Variants in ADK observed in about 807,000 individuals in gnomAD.
The protein encoded by ADK is N6,N6-dimethyladenosine kinase.
ADK carries 24 observed loss-of-function variants against 44.7 expected under a neutral mutation model. That is an observed-to-expected ratio of 0.54 (90% CI 0.39 to 0.76). ADK has a LOEUF of 0.76. Ranked by LOEUF, ADK falls within the 30% of genes least tolerant of loss-of-function variation. ADK has a pLI of 0.00. For synonymous variants in ADK, 128 were observed against 142.6 expected (o/e 0.90, Z 0.73); for missense variants, 321 against 425.1 (o/e 0.76, Z 2.15).
chr10:74,653,003 C>T (rs1230891076), intron 9 of ADK, among the ~76,000 whole-genome samples: 1 of 152,106 alleles, frequency 6.6e-6, no homozygotes, highest in African/African-American at 2.4e-5. Flanking sequence ...TGCTTCTACC[C>T]GTCACTATTA....
At chr10:74,641,250 G>T (rs1186644519) in intron 9 of ADK, among the ~76,000 whole-genome samples, 1 of 152,052 alleles carries the variant, frequency 6.6e-6, no homozygotes, top group Non-Finnish European at 1.5e-5. Flanking sequence ...AGGCATAATG[G>T]CCCATGCCTA....
intron 10 of ADK, among the ~76,000 whole-genome samples, chr10:74,688,133 T>A (rs77081315): frequency 2.2e-4 from 34 of 152,340 alleles, no homozygotes; most frequent in Non-Finnish European, 4.0e-4. Context: ...TTAGACACTT[T>A]GTACAGTGGA....
At chr10:74,661,856 T>C (rs1001769977) in intron 9 of ADK, among the ~76,000 whole-genome samples, 3 of 152,346 alleles carry the variant, frequency 2.0e-5, no homozygotes, top group Non-Finnish European at 4.4e-5. Flanking sequence ...TGATATATGC[T>C]AGGTTTCTCT....
intron 6 of ADK, among the ~76,000 whole-genome samples, chr10:74,426,028 A>T (rs531624232): frequency 6.6e-6 from 1 of 152,190 alleles, no homozygotes; most frequent in East Asian, 1.9e-4. Flanking sequence ...TTTTTTGAGA[A>T]ATAGAGAAAA....
intron 7 of ADK, among the ~76,000 whole-genome samples, chr10:74,541,107 C>T (rs961307139): frequency 2.2e-4 from 33 of 152,174 alleles, no homozygotes; most frequent in African/African-American, 6.0e-4. Context: ...CTCCACCTTC[C>T]GGGTTCAAGC....
At chr10:74,220,821 C>T (rs553493397) in intron 2 of ADK, among the ~76,000 whole-genome samples, 1 of 152,036 alleles carries the variant, frequency 6.6e-6, no homozygotes, top group Non-Finnish European at 1.5e-5. Flanking sequence ...ATTTAACAAC[C>T]CTTCATGCTA....
rs112509174 is a variant in ADK at position 74,272,922 on chromosome 10, C to G, written c.195-41745C>G. ...TCACAAGGTCCTTATACTGCAGATC[C>G]TCTCTGCTGCAGATGCTTGGGCTTT... On this transcript the variant is annotated intron_variant, in intron 3 of 10. Coordinates refer to ENST00000539909, the MANE Select transcript of ADK (RefSeq NM_006721.4). 5.3e-3 allele frequency among the ~76,000 whole-genome samples: 801 copies of G among 152,278 alleles called. 12 individuals carry two copies. Among genetic ancestry groups the G allele is most frequent in the African/African-American group, 0.017 (727 of 41,556 alleles).
intron 2 of ADK, among the ~76,000 whole-genome samples, chr10:74,205,088 C>CCAA (rs1564591791): frequency 1.4e-5 from 2 of 144,886 alleles, no homozygotes; most frequent in African/African-American, 5.1e-5. Flanking sequence ...AGCCAAACCA[C>CCAA]ACCAAAACAA....
intron 4 of ADK, among the ~76,000 whole-genome samples, chr10:74,348,195 A>C (rs1198719568): frequency 6.6e-6 from 1 of 152,236 alleles, no homozygotes; most frequent in Non-Finnish European, 1.5e-5. Flanking sequence ...TCTGGCTGGC[A>C]TCAGGCTGGT....
intron 4 of ADK, among the ~76,000 whole-genome samples, chr10:74,353,531 A>T (rs1386796445): frequency 6.6e-6 from 1 of 151,508 alleles, no homozygotes; most frequent in South Asian, 2.1e-4. Context: ...CAACGTAACA[A>T]ACCTGCACGT....
intron 4 of ADK, among the ~76,000 whole-genome samples, chr10:74,385,677 G>A (rs1296444072): frequency 6.6e-6 from 1 of 152,120 alleles, no homozygotes; most frequent in Non-Finnish European, 1.5e-5. Flanking sequence ...GCTGTACTCT[G>A]TAATAGGCAC....
chr10:74,349,313 T>C (rs2131898626), intron 4 of ADK, among the ~76,000 whole-genome samples: 1 of 152,302 alleles, frequency 6.6e-6, no homozygotes, highest in East Asian at 1.9e-4. Flanking sequence ...CCAGCCAAAC[T>C]AAGCTTCATA....
In ADK at chr10:74,247,224, G is replaced by GTTTTTTTTTTTT. The variant is rs142274121; in HGVS notation, c.194+22646_194+22657dup. 2.4e-4 allele frequency among the ~76,000 whole-genome samples: 17 copies of GTTTTTTTTTTTT among 72,008 alleles called. 1 individual carries two copies. The highest frequency in any genetic ancestry group is 4.5e-4 in the East Asian group (1 of 2,198). The allele number at this position is 72,008 out of a possible 152,430, so 47.2% of individuals were successfully genotyped here. A position where few individuals can be genotyped will look rare whatever the true frequency, so the allele number is the denominator to read the frequency against. On this transcript the variant is annotated intron_variant, in intron 3 of 10. Transcript: ENST00000539909. ...CTTTTTTTGATTTTTTTTTTTTTAA[G>GTTTTTTTTTTTT]TTTTTTTTTTTTTTTTTTTTTTTTG...
intron 9 of ADK, among the ~76,000 whole-genome samples, chr10:74,648,950 G>T (rs2134122646): frequency 6.6e-6 from 1 of 152,208 alleles, no homozygotes; most frequent in East Asian, 1.9e-4. Flanking sequence ...GGGAGGCCAA[G>T]GCAGGCGGAT....
intron 6 of ADK, among the ~76,000 whole-genome samples, chr10:74,520,381 T>C (rs1358658129): frequency 6.6e-6 from 1 of 151,990 alleles, no homozygotes. Context: ...TTATTTTACA[T>C]AGGTTTATTT....
intron 9 of ADK, among the ~76,000 whole-genome samples, chr10:74,623,272 C>G (rs987579788): frequency 1.3e-5 from 2 of 152,116 alleles, no homozygotes; most frequent in African/African-American, 4.8e-5. Flanking sequence ...TTATCTGGCC[C>G]AAATTATTAA....
At chr10:74,362,288 T>C (rs1842359097) in intron 4 of ADK, among the ~76,000 whole-genome samples, 1 of 152,134 alleles carries the variant, frequency 6.6e-6, no homozygotes, top group East Asian at 1.9e-4. Context: ...ATATTTTTAA[T>C]CATTTTTCTT....
intron 3 of ADK, among the ~76,000 whole-genome samples, chr10:74,274,494 A>G (rs1348909507): frequency 2.7e-5 from 1 of 36,892 alleles, no homozygotes; most frequent in Non-Finnish European, 4.9e-5. Flanking sequence ...CCTGGGAGGC[A>G]GAGGTTGCAG....
At chr10:74,495,213 G>A (rs1847639285) in intron 6 of ADK, among the ~76,000 whole-genome samples, 1 of 151,836 alleles carries the variant, frequency 6.6e-6, no homozygotes, top group African/African-American at 2.4e-5. Context: ...TAGACAATAA[G>A]TCAGTTCTGT....
Sources: allele counts gnomAD v4.1 joint callset (sites outside exome capture counted in the v4.1 genomes callset), GRCh38; gene constraint gnomAD v4.1.1; transcripts MANE v1.5; gene names NCBI Gene and HGNC (gene_info 2026-07-23, HGNC 2026-07-21).